Variants in CTNNA1 observed in about 807,000 individuals in gnomAD.
CTNNA1 encodes catenin alpha-1.
Under a neutral mutation model 98.4 loss-of-function variants are expected in CTNNA1, and 37 were observed. That is an observed-to-expected ratio of 0.38 (90% CI 0.29 to 0.49). CTNNA1 has a LOEUF of 0.49. Among genes scored for constraint, CTNNA1 ranks in the 20% least tolerant of loss-of-function variants. The probability of loss-of-function intolerance (pLI) is 0.95; values close to 1 mark genes in which losing one functional copy is unlikely to be tolerated. For missense variants in CTNNA1, 761 were observed against 1,147.2 expected, an observed-to-expected ratio of 0.66 and a Z score of 4.86; for synonymous variants, 404 against 413.2, an observed-to-expected ratio of 0.98 and a Z score of 0.27.
chr5:138,902,312 G>C (rs889555308), intron 9 of CTNNA1, among the ~76,000 whole-genome samples: 1 of 152,194 alleles, frequency 6.6e-6, no homozygotes, highest in African/African-American at 2.4e-5. Flanking sequence ...TGAGAATATA[G>C]ATTGAAATAA....
chr5:138,912,518 C>T (rs566253836), intron 10 of CTNNA1, among the ~76,000 whole-genome samples: 3 of 152,228 alleles, frequency 2.0e-5, no homozygotes, highest in African/African-American at 7.2e-5. Flanking sequence ...ACTTCCTTAG[C>T]CTGATAAAGA....
At position 138,917,822 on chromosome 5, in the gene CTNNA1, A is replaced by G. The variant is rs1445637127; in HGVS notation, c.1470A>G (p.Gln490=). 2 of 1,614,124 alleles carry G rather than the reference A, an allele frequency of 1.2e-6. No individual in the cohort carries two copies. The highest frequency in any genetic ancestry group is 1.7e-6 in the Non-Finnish European group (2 of 1,180,042). Residue 490 remains glutamine, a synonymous_variant, in exon 11 of 18, where the codon CAA becomes CAG. Coordinates refer to ENST00000302763, the MANE Select transcript of CTNNA1 (RefSeq NM_001903.5). ...AQENMDLFKE[Q]WEKQVRVLTD... is the part of the protein sequence containing the mutation. ...AGAACATGGATCTTTTTAAAGAACA[A>G]TGGGAAAAACAAGTCCGTGTTCTCA...
intron 3 of CTNNA1, among the ~76,000 whole-genome samples, chr5:138,786,092 T>C (rs1210034798): frequency 2.0e-5 from 3 of 152,228 alleles, no homozygotes; most frequent in East Asian, 3.8e-4. Context: ...GATAATCTTT[T>C]ATGTGGTTCT....
chr5:138,878,309 AGTT>A (rs1156827693), intron 7 of CTNNA1, among the ~76,000 whole-genome samples: 2 of 152,222 alleles, frequency 1.3e-5, no homozygotes, highest in Non-Finnish European at 1.5e-5. Flanking sequence ...TAGAGTGCAG[AGTT>A]CCCATTGATG....
At chr5:138,757,426 G>T (rs961082480) in intron 1 of CTNNA1, among the ~76,000 whole-genome samples, 2 of 152,208 alleles carry the variant, frequency 1.3e-5, no homozygotes, top group Middle Eastern at 3.4e-3. Context: ...CTATGATCAT[G>T]CCCCTGCACT....
chr5:138,773,563 A>T (rs949966075), intron 1 of CTNNA1, among the ~76,000 whole-genome samples: 3 of 152,210 alleles, frequency 2.0e-5, no homozygotes, highest in Admixed American at 6.5e-5. Flanking sequence ...GTCTGCTTGC[A>T]TTATGGTTAT....
At chr5:138,806,355 A>C (rs1464171032) in intron 3 of CTNNA1, among the ~76,000 whole-genome samples, 3 of 144,732 alleles carry the variant, frequency 2.1e-5, no homozygotes, top group African/African-American at 7.6e-5. Context: ...GAGGGTCCTA[A>C]CTTTTTTTTT....
intron 5 of CTNNA1, among the ~76,000 whole-genome samples, chr5:138,813,487 A>G (rs1009334149): frequency 3.3e-5 from 5 of 151,904 alleles, no homozygotes; most frequent in African/African-American, 1.2e-4. Flanking sequence ...CTGAGGACAG[A>G]AACACCCGAC....
At chr5:138,908,590 A>AGGAG (rs549817486) in intron 10 of CTNNA1, among the ~76,000 whole-genome samples, 64 of 152,284 alleles carry the variant, frequency 4.2e-4, no homozygotes, top group African/African-American at 1.5e-3. Context: ...GCTTGAGCGC[A>AGGAG]GGAGTTCCAG....
chr5:138,886,265 C>A lies in CTNNA1; in HGVS notation c.1116C>A (p.Thr372=), dbSNP rs2150024317. The change falls in exon 8 of 18, where the codon ACC becomes ACA. Residue 372 remains threonine, a synonymous_variant. Coordinates refer to ENST00000302763, the MANE Select transcript of CTNNA1 (RefSeq NM_001903.5). The part of the protein sequence containing the change: ...DALNSAIDKM[T]KKTRDLRRQL... ...TCAATTCTGCAATAGATAAAATGAC[C>A]AAGAAGACCAGGGACTTGCGTAGAC... is the stretch of plus-strand genomic sequence containing the variant. 6.2e-7 allele frequency: 1 copy of A among 1,610,098 alleles called. No homozygotes were observed. The highest frequency in any genetic ancestry group is 8.5e-7 in the Non-Finnish European group (1 of 1,178,186).
chr5:138,777,227 G>A (rs1193143477), intron 1 of CTNNA1, among the ~76,000 whole-genome samples: 356 of 134,262 alleles, frequency 2.7e-3, no homozygotes, highest in African/African-American at 8.2e-3. Context: ...ACGGGGCGGC[G>A]GGGCAGAGGC....
intron 1 of CTNNA1, among the ~76,000 whole-genome samples, chr5:138,767,076 G>A (rs548404396): frequency 1.3e-5 from 2 of 151,692 alleles, no homozygotes; most frequent in African/African-American, 4.8e-5. Context: ...TCGCTCTGTC[G>A]TCCAGGCTGG....
chr5:138,776,075 T>C (rs1754126075), intron 1 of CTNNA1, among the ~76,000 whole-genome samples: 2 of 146,558 alleles, frequency 1.4e-5, no homozygotes, highest in East Asian at 4.1e-4. Context: ...TTGATCATTC[T>C]TGGGTGTTTC....
intron 11 of CTNNA1, 85 bp from the exon 12 acceptor site, chr5:138,924,425 A>G: frequency 1.4e-6 from 2 of 1,383,552 alleles, no homozygotes; most frequent in Non-Finnish European, 2.0e-6. Flanking sequence ...CACCAAGCAA[A>G]CAATAAATGA....
At chr5:138,805,613 T>A (rs1758007470) in intron 3 of CTNNA1, among the ~76,000 whole-genome samples, 1 of 152,008 alleles carries the variant, frequency 6.6e-6, no homozygotes, top group Non-Finnish European at 1.5e-5. Context: ...GGTCTATTTT[T>A]GTTTGTTTGT....
chr5:138,858,878 C>T (rs1417274406), intron 7 of CTNNA1, among the ~76,000 whole-genome samples: 2 of 152,316 alleles, frequency 1.3e-5, no homozygotes, highest in East Asian at 3.9e-4. Flanking sequence ...GGATTACAGG[C>T]GTGAGCCACT....
chr5:138,921,548 T>C (rs963792523), intron 11 of CTNNA1, among the ~76,000 whole-genome samples: 7 of 151,872 alleles, frequency 4.6e-5, no homozygotes, highest in African/African-American at 1.7e-4. Flanking sequence ...TGCTAAACTA[T>C]AGACAGTTTC....
intron 7 of CTNNA1, among the ~76,000 whole-genome samples, chr5:138,847,858 T>C (rs1379687476): frequency 6.6e-6 from 1 of 152,236 alleles, no homozygotes; most frequent in African/African-American, 2.4e-5. Context: ...CTTTATGTGG[T>C]ACTGAGTAAA....
At chr5:138,796,890 A>G (rs376551756) in intron 3 of CTNNA1, among the ~76,000 whole-genome samples, 1 of 152,214 alleles carries the variant, frequency 6.6e-6, no homozygotes, top group African/African-American at 2.4e-5. Context: ...ATGCTCCTGT[A>G]AAATGTTCTG....
Sources: gnomAD v4.1 joint callset for allele counts (sites outside exome capture counted in the v4.1 genomes callset) on GRCh38, gnomAD v4.1.1 for gene constraint, MANE v1.5 for transcripts, NCBI Gene and HGNC (gene_info 2026-07-23, HGNC 2026-07-21) for gene names.